Variants in STAG1 observed in about 807,000 individuals in gnomAD.
STAG1 encodes cohesin subunit SA-1.
A neutral mutation model predicts 170.9 loss-of-function variants in STAG1; 26 were observed. The ratio of observed to expected loss-of-function variants is 0.15; its 90% CI spans 0.11 to 0.21. The LOEUF (loss-of-function observed/expected upper bound fraction) is 0.21, where lower values mean the gene tolerates loss of function less well. Ranked by LOEUF, STAG1 falls within the 10% of genes least tolerant of loss-of-function variation. The pLI, the probability that STAG1 is intolerant of heterozygous loss-of-function variation, is 1.00. For synonymous variants in STAG1, 514 were observed against 497.7 expected, an observed-to-expected ratio of 1.03 and a Z score of -0.44; for missense variants, 964 against 1,509.5, an observed-to-expected ratio of 0.64 and a Z score of 5.99.
At chr3:136,692,434 A>G (rs1576771779) in intron 1 of STAG1, among the ~76,000 whole-genome samples, 1 of 151,982 alleles carries the variant, frequency 6.6e-6, no homozygotes, top group East Asian at 1.9e-4. Flanking sequence ...CAAGAGTTCG[A>G]GACCAGCCTG....
intron 16 of STAG1, among the ~76,000 whole-genome samples, chr3:136,431,025 T>C (rs1280807246): frequency 6.6e-6 from 1 of 151,920 alleles, no homozygotes; most frequent in East Asian, 1.9e-4. Flanking sequence ...TGCCTCAGCC[T>C]CTCGAGTAGC....
At chr3:136,611,726 A>C (rs1280120075) in intron 3 of STAG1, among the ~76,000 whole-genome samples, 1 of 139,544 alleles carries the variant, frequency 7.2e-6, no homozygotes, top group African/African-American at 2.8e-5. Context: ...GCTGGTCTCG[A>C]ACTCCTGAGC....
intron 1 of STAG1, among the ~76,000 whole-genome samples, chr3:136,713,506 C>T (rs1475213324): frequency 1.3e-5 from 2 of 151,636 alleles, no homozygotes; most frequent in Non-Finnish European, 2.9e-5. Flanking sequence ...TCGCTTGAAT[C>T]CGGGAGGTGG....
In STAG1 at chr3:136,714,131, T is replaced by C. The variant is rs142177813; in HGVS notation, c.-84+38064A>G. Reference sequence around the variant, plus strand: ...AGGTGGAGGCTGCCCAGAGCCATGATTGCATCACCGCACTCCAGCCTGAGA... The same window carrying C: ...AGGTGGAGGCTGCCCAGAGCCATGACTGCATCACCGCACTCCAGCCTGAGA... On this transcript the variant is annotated intron_variant, in intron 1 of 33. Coordinates refer to ENST00000383202, the MANE Select transcript of STAG1 (RefSeq NM_005862.3). Among the ~76,000 whole-genome samples, 34 of 152,144 alleles carry C rather than the reference T, an allele frequency of 2.2e-4. No individual in the cohort carries two copies. The South Asian group carries it at 5.8e-3, about 26-fold the overall frequency.
chr3:136,449,497 T>C (rs1282490486), intron 14 of STAG1, among the ~76,000 whole-genome samples: 3 of 151,490 alleles, frequency 2.0e-5, no homozygotes, highest in African/African-American at 4.9e-5. Context: ...GAGACAGAGG[T>C]TGCAGTGAGC....
intron 6 of STAG1, among the ~76,000 whole-genome samples, chr3:136,531,882 C>A (rs1576576263): frequency 7.1e-6 from 1 of 140,844 alleles, no homozygotes; most frequent in Admixed American, 7.2e-5. Context: ...GCACATTGTG[C>A]ACATGTACCC....
chr3:136,644,702 A>AT lies in STAG1; in HGVS notation c.-83-13722dup, dbSNP rs556844163. On this transcript the variant is annotated intron_variant, in intron 1 of 33. Coordinates refer to ENST00000383202, the MANE Select transcript of STAG1 (RefSeq NM_005862.3). ...CCTACAAACATGCAGTATTTCTGTC[A>AT]TTTTTTTTTTGCTTTTATTTTTTCT... 4.6e-3 allele frequency among the ~76,000 whole-genome samples: 687 copies of AT among 147,976 alleles called. 8 individuals are homozygous for AT. The East Asian group carries it at 0.049, about 11-fold the overall frequency.
chr3:136,543,467 A>G (rs16846089), intron 5 of STAG1, among the ~76,000 whole-genome samples: 1,737 of 152,294 alleles, frequency 0.011, 21 homozygotes, highest in African/African-American at 0.04. Context: ...GCTGGAAAAC[A>G]CGCTCTTGTA....
intron 9 of STAG1, among the ~76,000 whole-genome samples, chr3:136,485,425 C>A (rs973150630): frequency 3.9e-5 from 6 of 152,006 alleles, no homozygotes; most frequent in Non-Finnish European, 7.4e-5. Context: ...CCACTGCACT[C>A]CAGCCTGGGT....
At chr3:136,738,751 T>C (rs1432543810) in intron 1 of STAG1, among the ~76,000 whole-genome samples, 1 of 152,204 alleles carries the variant, frequency 6.6e-6, no homozygotes, top group Admixed American at 6.5e-5. Flanking sequence ...TTAATAGCAA[T>C]GTATATTGGA....
At chr3:136,572,344 T>C (rs1017286454) in intron 4 of STAG1, among the ~76,000 whole-genome samples, 9 of 151,794 alleles carry the variant, frequency 5.9e-5, no homozygotes, top group African/African-American at 2.2e-4. Flanking sequence ...CTGTAAACCC[T>C]GCACTTTCAT....
At chr3:136,566,896 G>A (rs551558667) in intron 5 of STAG1, among the ~76,000 whole-genome samples, 95 of 152,290 alleles carry the variant, frequency 6.2e-4, no homozygotes, top group African/African-American at 2.2e-3. Context: ...ACAAAGGAAT[G>A]CAATGAGCCT....
intron 23 of STAG1, among the ~76,000 whole-genome samples, chr3:136,372,168 A>G (rs1455233650): frequency 3.9e-5 from 6 of 152,140 alleles, no homozygotes; most frequent in African/African-American, 1.4e-4. Context: ...TTGGTGTATA[A>G]GAATGCTTGT....
chr3:136,737,983 G>A (rs564357044), intron 1 of STAG1, among the ~76,000 whole-genome samples: 30 of 152,052 alleles, frequency 2.0e-4, no homozygotes, highest in Admixed American at 3.3e-4. Context: ...CAGGAGAATC[G>A]CTGGAACCTA....
chr3:136,501,957 G>A (rs938150113), intron 8 of STAG1, among the ~76,000 whole-genome samples: 4 of 152,170 alleles, frequency 2.6e-5, no homozygotes, highest in African/African-American at 7.2e-5. Flanking sequence ...CGAGGTGGGC[G>A]GATCACCTGA....
chr3:136,402,867 C>T (rs2087370021), intron 21 of STAG1, among the ~76,000 whole-genome samples: 1 of 151,790 alleles, frequency 6.6e-6, no homozygotes, highest in South Asian at 2.1e-4. Context: ...TCAGATCACT[C>T]AAGCAAAAGA....
chr3:136,469,013 A>G (rs1559822424), intron 12 of STAG1, among the ~76,000 whole-genome samples: 2 of 152,184 alleles, frequency 1.3e-5, no homozygotes, highest in Non-Finnish European at 2.9e-5. Context: ...ATTTATGACA[A>G]ACCCACACCC....
chr3:136,383,011 T>C (rs1202275243), intron 22 of STAG1, among the ~76,000 whole-genome samples: 1 of 152,220 alleles, frequency 6.6e-6, no homozygotes, highest in Non-Finnish European at 1.5e-5. Context: ...ATTCATCCAC[T>C]TCATGATGTT....
At chr3:136,380,834 A>C (rs1201367356) in intron 22 of STAG1, among the ~76,000 whole-genome samples, 1 of 151,778 alleles carries the variant, frequency 6.6e-6, no homozygotes, top group Non-Finnish European at 1.5e-5. Flanking sequence ...AGCCTGGGCA[A>C]CATGATGAAA....
Sources: allele counts gnomAD v4.1 joint callset (sites outside exome capture counted in the v4.1 genomes callset), GRCh38; gene constraint gnomAD v4.1.1; transcripts MANE v1.5; gene names NCBI Gene and HGNC (gene_info 2026-07-23, HGNC 2026-07-21).